OXCT1: variants seen among roughly 807,000 people sequenced by gnomAD.
OXCT1 encodes 3-oxoacid CoA-transferase 1.
A neutral mutation model predicts 69.6 loss-of-function variants in OXCT1; 27 were observed. The ratio of observed to expected loss-of-function variants is 0.39; its 90% confidence interval spans 0.29 to 0.54. OXCT1 has a LOEUF of 0.54. OXCT1 is among the 20% of genes least tolerant of loss of function. The pLI is 0.72. For missense variants in OXCT1, 437 were observed against 650.2 expected (o/e 0.67, Z 3.57); for synonymous variants, 202 against 217.8 (o/e 0.93, Z 0.64).
chr5:41,837,313 A>G (rs1748413238), intron 7 of OXCT1, among the ~76,000 whole-genome samples: 1 of 152,036 alleles, frequency 6.6e-6, no homozygotes, highest in Non-Finnish European at 1.5e-5. Context: ...GAAAAAAAAA[A>G]AAAGACGCCG....
At chr5:41,868,680 G>A (rs1352494072) in intron 1 of OXCT1, among the ~76,000 whole-genome samples, 1 of 150,542 alleles carries the variant, frequency 6.6e-6, no homozygotes, top group African/African-American at 2.4e-5. Flanking sequence ...CCGAGATCCC[G>A]CCACTGCACT....
intron 4 of OXCT1, among the ~76,000 whole-genome samples, chr5:41,852,130 T>C (rs1749201087): frequency 6.6e-6 from 1 of 152,242 alleles, no homozygotes; most frequent in Admixed American, 6.5e-5. Context: ...TGTGAGAAAC[T>C]TCTGTTGTTT....
intron 4 of OXCT1, among the ~76,000 whole-genome samples, chr5:41,851,799 G>T (rs944406282): frequency 2.0e-5 from 3 of 152,114 alleles, no homozygotes; most frequent in African/African-American, 7.2e-5. Flanking sequence ...GTAATCAAAA[G>T]GTTAATTTTC....
intron 13 of OXCT1, among the ~76,000 whole-genome samples, chr5:41,765,960 T>C (rs1240942841): frequency 1.3e-5 from 2 of 152,114 alleles, no homozygotes; most frequent in Non-Finnish European, 2.9e-5. Flanking sequence ...GCTAAAAATA[T>C]ATCTTTAAAT....
intron 3 of OXCT1, among the ~76,000 whole-genome samples, chr5:41,858,664 A>G (rs1446190184): frequency 6.6e-6 from 1 of 152,200 alleles, no homozygotes; most frequent in Non-Finnish European, 1.5e-5. Flanking sequence ...AAATATTTCC[A>G]TGCTCTGAAT....
At chr5:41,793,879 G>C in intron 13 of OXCT1, 124 bp downstream of exon 13, 1 of 687,098 alleles carries the variant, frequency 1.5e-6, no homozygotes, top group South Asian at 1.8e-5. Flanking sequence ...TTTGATTCTA[G>C]TAAGAAATAT....
intron 16 of OXCT1, among the ~76,000 whole-genome samples, chr5:41,735,360 T>C (rs2111975536): frequency 6.6e-6 from 1 of 152,296 alleles, no homozygotes; most frequent in South Asian, 2.1e-4. Context: ...GGGCAAATAC[T>C]GTATAACTCC....
intron 14 of OXCT1, among the ~76,000 whole-genome samples, chr5:41,751,528 A>C (rs1178247276): frequency 1.3e-5 from 2 of 151,978 alleles, no homozygotes; most frequent in Non-Finnish European, 2.9e-5. Context: ...CATGCCCCCC[A>C]CTGTCTCTGT....
At chr5:41,794,525 G>A (rs1369940324) in intron 12 of OXCT1, 152 bp downstream of exon 12, 2 of 703,574 alleles carry the variant, frequency 2.8e-6, no homozygotes, top group Non-Finnish European at 4.9e-6. Context: ...AACATTCGAT[G>A]TGAATAATTT....
chr5:41,750,919 T>C (rs933776081), intron 14 of OXCT1, among the ~76,000 whole-genome samples: 3 of 152,090 alleles, frequency 2.0e-5, no homozygotes, highest in Admixed American at 2.0e-4. Flanking sequence ...GATAGATTTT[T>C]AAAAAAACTA....
intron 16 of OXCT1, among the ~76,000 whole-genome samples, chr5:41,737,322 C>T (rs1742934185): frequency 6.6e-6 from 1 of 152,158 alleles, no homozygotes; most frequent in Admixed American, 6.5e-5. Flanking sequence ...ATTGGAACAG[C>T]ACCTTTTATT....
intron 13 of OXCT1, among the ~76,000 whole-genome samples, chr5:41,768,770 A>G (rs960023504): frequency 1.3e-5 from 2 of 152,134 alleles, no homozygotes; most frequent in Non-Finnish European, 2.9e-5. Flanking sequence ...CTCTCTGTCC[A>G]ACTTGCAGCC....
In OXCT1 at chr5:41,862,656, G is replaced by A. The variant is rs75134564; in HGVS notation, c.173C>T (p.Thr58Met). The stretch of plus-strand genomic sequence containing the variant: ...TTAGTACTCACCACCAACCAAAACC[G>A]TGGCACCATCAGGGATGTCTTTTAC... Reference protein sequence around the residue: ...EAVKDIPDGATVLVGGFGLCG... With the variant: ...EAVKDIPDGAMVLVGGFGLCG... Residue 58 changes from threonine to methionine, a missense_variant, in exon 2 of 17, where the codon ACG (threonine) becomes ATG (methionine). Thr to Met is a moderately conservative substitution (Grantham distance 81). Coordinates refer to ENST00000196371, the MANE Select transcript of OXCT1 (RefSeq NM_000436.4). The A allele has an allele frequency of 4.2e-4, 675 of 1,606,366 alleles. 5 individuals carry two copies. In the East Asian group the frequency reaches 9.8e-3, roughly 23 times the overall value.
At chr5:41,842,057 ATTCCT>A (rs1331626485) in intron 6 of OXCT1, among the ~76,000 whole-genome samples, 2 of 152,254 alleles carry the variant, frequency 1.3e-5, no homozygotes, top group African/African-American at 4.8e-5. Context: ...AAGGTTTCAT[ATTCCT>A]CAAAAAACAA....
intron 15 of OXCT1, among the ~76,000 whole-genome samples, chr5:41,740,697 C>T (rs576472094): frequency 8.5e-5 from 13 of 152,320 alleles, no homozygotes; most frequent in African/African-American, 3.1e-4. Flanking sequence ...TGCTTAGATA[C>T]TTGCAGTGGC....
At chr5:41,782,456 C>T (rs923938579) in intron 13 of OXCT1, among the ~76,000 whole-genome samples, 2 of 152,194 alleles carry the variant, frequency 1.3e-5, no homozygotes, top group South Asian at 2.1e-4. Flanking sequence ...TGAAGTAATC[C>T]GCCTGCCTTA....
chr5:41,799,762 T>C lies in OXCT1; in HGVS notation c.1099+1260A>G, dbSNP rs74679037. Among the ~76,000 whole-genome samples the C allele has an allele frequency of 7.6e-3, 1,162 of 152,276 alleles. 16 individuals carry two copies. Among genetic ancestry groups the C allele is most frequent in the African/African-American group, 0.027 (1,103 of 41,556 alleles). On this transcript the variant is annotated intron_variant, in intron 11 of 16. Transcript: ENST00000196371. ...ACAGCCTTGGTTAAATGTCATTGCT[T>C]TATCACAGTAGGCCTTTCAGAGTTG...
intron 13 of OXCT1, among the ~76,000 whole-genome samples, chr5:41,778,318 T>C (rs961796685): frequency 2.0e-5 from 3 of 152,232 alleles, no homozygotes; most frequent in African/African-American, 4.8e-5. Context: ...TAGTGTTGAA[T>C]TGACTGGAAA....
At chr5:41,865,278 T>C (rs1579911391) in intron 1 of OXCT1, among the ~76,000 whole-genome samples, 1 of 152,182 alleles carries the variant, frequency 6.6e-6, no homozygotes, top group Non-Finnish European at 1.5e-5. Flanking sequence ...TTGTCAAGAA[T>C]TCTATTTTTT....
Sources: gnomAD v4.1 joint callset for allele counts (sites outside exome capture counted in the v4.1 genomes callset) on GRCh38, gnomAD v4.1.1 for gene constraint, MANE v1.5 for transcripts, NCBI Gene and HGNC (gene_info 2026-07-23, HGNC 2026-07-21) for gene names.